The following DOK6 variants were observed in gnomAD, a reference collection of about 807,000 sequenced individuals.
DOK6 encodes downstream of tyrosine kinase 6.
In DOK6, 22 loss-of-function variants were observed where a neutral mutation model predicts 44.0. That is an observed-to-expected ratio of 0.50 (90% CI 0.36 to 0.71). DOK6 has a LOEUF of 0.71. Ranked by LOEUF, DOK6 falls within the 30% of genes least tolerant of loss-of-function variation. The pLI, the probability that DOK6 is intolerant of heterozygous loss-of-function variation, is 0.00. For synonymous variants in DOK6, 166 were observed against 145.5 expected, an observed-to-expected ratio of 1.14 and a Z score of -1.01; for missense variants, 340 against 416.4, an observed-to-expected ratio of 0.82 and a Z score of 1.60.
chr18:69,622,189 G>A (rs778656628), intron 3 of DOK6, among the ~76,000 whole-genome samples: 5 of 152,060 alleles, frequency 3.3e-5, no homozygotes, highest in East Asian at 1.9e-4. Flanking sequence ...TTTTCCAGGC[G>A]CACATCTTAT....
chr18:69,726,636 C>T (rs1393813651), intron 5 of DOK6, among the ~76,000 whole-genome samples: 1 of 151,798 alleles, frequency 6.6e-6, no homozygotes, highest in Non-Finnish European at 1.5e-5. Flanking sequence ...TAAACACACA[C>T]ACATATATGT....
intron 1 of DOK6, among the ~76,000 whole-genome samples, chr18:69,504,455 C>A (rs911459492): frequency 1.3e-5 from 2 of 151,874 alleles, no homozygotes; most frequent in African/African-American, 4.8e-5. Context: ...GAACATATAC[C>A]TGATATTTTT....
At chr18:69,538,695 C>A (rs1240637176) in intron 1 of DOK6, among the ~76,000 whole-genome samples, 3 of 151,728 alleles carry the variant, frequency 2.0e-5, no homozygotes, top group East Asian at 1.9e-4. Flanking sequence ...CTTTACTACA[C>A]CAACCTTTCT....
intron 1 of DOK6, among the ~76,000 whole-genome samples, chr18:69,447,664 T>G (rs530384389): frequency 6.6e-6 from 1 of 152,326 alleles, no homozygotes; most frequent in Admixed American, 6.5e-5. Flanking sequence ...TTAACAGCCC[T>G]GCCTTAGCTT....
At chr18:69,803,368 G>C (rs1220715543) in intron 7 of DOK6, among the ~76,000 whole-genome samples, 2 of 152,056 alleles carry the variant, frequency 1.3e-5, no homozygotes, top group Admixed American at 1.3e-4. Context: ...AATCCATTTT[G>C]TACAACATTC....
intron 7 of DOK6, among the ~76,000 whole-genome samples, chr18:69,770,881 GC>G (rs141240598): frequency 0.039 from 5,950 of 151,600 alleles, 162 homozygotes; most frequent in East Asian, 0.091. Flanking sequence ...TTTTCTTTAG[GC>G]ATTAATGCTG....
At position 69,451,378 on chromosome 18, in the gene DOK6, T is replaced by C. The variant is rs1358324745; in HGVS notation, c.66+50068T>C. Among the ~76,000 whole-genome samples, 3 of 46,098 alleles carry C rather than the reference T, an allele frequency of 6.5e-5. 1 individual carries two copies. The highest frequency in any genetic ancestry group is 5.4e-4 in the Admixed American group (2 of 3,734). 30.2% of individuals were successfully genotyped at this position (46,098 alleles called of 152,430 possible). A position where few individuals can be genotyped will look rare whatever the true frequency, so the allele number is the denominator to read the frequency against. ...AGGAGCTAACTATCCTAAATATACA[T>C]GCACCCAATACAGGAGCACCCAGAT... On this transcript the variant is annotated intron_variant, in intron 1 of 7. Coordinates refer to ENST00000382713, the MANE Select transcript of DOK6 (RefSeq NM_152721.6).
At chr18:69,583,904 C>T (rs569707126) in intron 2 of DOK6, among the ~76,000 whole-genome samples, 1 of 152,052 alleles carries the variant, frequency 6.6e-6, no homozygotes, top group Non-Finnish European at 1.5e-5. Flanking sequence ...GTCAGGAGAT[C>T]GAGACCATCC....
At chr18:69,503,194 A>G (rs1387555280) in intron 1 of DOK6, among the ~76,000 whole-genome samples, 3 of 152,164 alleles carry the variant, frequency 2.0e-5, no homozygotes, top group Non-Finnish European at 4.4e-5. Context: ...ACATTCTTTT[A>G]TTAGACCTAA....
At chr18:69,411,736 T>C (rs1301027166) in intron 1 of DOK6, among the ~76,000 whole-genome samples, 2 of 152,118 alleles carry the variant, frequency 1.3e-5, no homozygotes, top group African/African-American at 4.8e-5. Flanking sequence ...ATATCACTCA[T>C]CAGTTTTGAA....
At chr18:69,768,954 C>CATGTGTGTGTGTGTGTGT (rs1555669806) in intron 7 of DOK6, among the ~76,000 whole-genome samples, 3 of 142,590 alleles carry the variant, frequency 2.1e-5, no homozygotes, top group African/African-American at 5.1e-5. Context: ...GAAGGGTGTG[C>CATGTGTGTGTGTGTGTGT]GTGTGTGTGT....
intron 2 of DOK6, among the ~76,000 whole-genome samples, chr18:69,576,258 G>A (rs191422723): frequency 6.6e-6 from 1 of 151,630 alleles, no homozygotes; most frequent in African/African-American, 2.4e-5. Flanking sequence ...ATGGCTTAGA[G>A]AAATAGACTA....
intron 3 of DOK6, among the ~76,000 whole-genome samples, chr18:69,676,405 T>A (rs796917263): frequency 1.1e-4 from 17 of 152,220 alleles, no homozygotes; most frequent in African/African-American, 3.9e-4. Context: ...ATTACCCAAA[T>A]TTGATGGTGT....
chr18:69,438,694 A>G (rs1031888788), intron 1 of DOK6, among the ~76,000 whole-genome samples: 5 of 152,202 alleles, frequency 3.3e-5, no homozygotes, highest in Non-Finnish European at 4.4e-5. Flanking sequence ...TATGAAATGT[A>G]TTTCTTAAAT....
chr18:69,423,463 C>T (rs1978552225), intron 1 of DOK6, among the ~76,000 whole-genome samples: 2 of 152,178 alleles, frequency 1.3e-5, no homozygotes, highest in Admixed American at 6.5e-5. Context: ...TTGTCCTCTA[C>T]TACATAAGTT....
intron 6 of DOK6, among the ~76,000 whole-genome samples, chr18:69,756,173 A>T (rs1979347790): frequency 6.6e-6 from 1 of 152,028 alleles, no homozygotes; most frequent in South Asian, 2.1e-4. Context: ...TTCCCCGGGG[A>T]GCCTTCCTTA....
intron 1 of DOK6, among the ~76,000 whole-genome samples, chr18:69,526,445 A>G (rs1981833387): frequency 6.6e-6 from 1 of 152,190 alleles, no homozygotes; most frequent in Non-Finnish European, 1.5e-5. Flanking sequence ...TTGCTGAATA[A>G]TATTCCTTTG....
At chr18:69,610,454 C>T (rs1486319006) in intron 3 of DOK6, among the ~76,000 whole-genome samples, 1 of 152,026 alleles carries the variant, frequency 6.6e-6, no homozygotes, top group Non-Finnish European at 1.5e-5. Flanking sequence ...AAATATATGC[C>T]TATCAAGAAA....
At chr18:69,492,269 A>G (rs1347554171) in intron 1 of DOK6, among the ~76,000 whole-genome samples, 1 of 152,222 alleles carries the variant, frequency 6.6e-6, no homozygotes, top group African/African-American at 2.4e-5. Flanking sequence ...ATCATACACA[A>G]TGTAAAATAA....
Sources: gnomAD v4.1 joint callset for allele counts (sites outside exome capture counted in the v4.1 genomes callset) on GRCh38, gnomAD v4.1.1 for gene constraint, MANE v1.5 for transcripts, NCBI Gene and HGNC (gene_info 2026-07-23, HGNC 2026-07-21) for gene names.